Variants in USP5 observed in about 807,000 individuals in gnomAD.
The protein encoded by USP5 is ubiquitin carboxyl-terminal hydrolase 5.
A neutral mutation model predicts 102.5 loss-of-function variants in USP5; 24 were observed. The ratio of observed to expected loss-of-function variants is 0.23; its 90% CI spans 0.17 to 0.33. The LOEUF (loss-of-function observed/expected upper bound fraction) is 0.33, where lower values mean the gene tolerates loss of function less well. Among genes scored for constraint, USP5 ranks in the 10% least tolerant of loss-of-function variants. USP5 has a pLI of 1.00. For synonymous variants in USP5, 460 were observed against 434.8 expected (o/e 1.06, Z -0.72); for missense variants, 753 against 1,122.1 (o/e 0.67, Z 4.70).
In USP5 at chr12:6,855,102, G is replaced by A. The variant is rs1944067808; in HGVS notation, c.112-299G>A. Among the ~76,000 whole-genome samples, 1 of 152,170 alleles carries A rather than the reference G, an allele frequency of 6.6e-6. No homozygotes were observed. The highest frequency in any genetic ancestry group is 1.5e-5 in the Non-Finnish European group (1 of 68,038). On this transcript the variant is annotated intron_variant, in intron 1 of 19. Transcript: ENST00000229268. The surrounding 1 kb of genome is among the most constrained non-coding windows in gnomAD (Gnocchi z 4.6). Reference sequence around the variant, plus strand: ...ATTAAAGAGCTCCAAAGCCCAAGAAGGAGCAGGTGGAAAGATAAATGGTGA... The same window carrying A: ...ATTAAAGAGCTCCAAAGCCCAAGAAAGAGCAGGTGGAAAGATAAATGGTGA...
At chr12:6,853,525 C>T (rs1045643971) in intron 1 of USP5, among the ~76,000 whole-genome samples, 1 of 152,358 alleles carries the variant, frequency 6.6e-6, no homozygotes, top group South Asian at 2.1e-4. Context: ...GGAGTTTAAT[C>T]ACTTCAGAGC....
chr12:6,863,942 G>A lies in USP5; in HGVS notation c.2067G>A (p.Met689Ile), dbSNP rs782437368. The stretch of plus-strand genomic sequence containing the variant: ...GCAACAGCGGGGCTGAGGCCGCCAT[G>A]AACTGGGTCATGTCACACATGGATG... ...YTGNSGAEAA[M>I]NWVMSHMDDP... Residue 689 changes from methionine to isoleucine, a missense_variant, in exon 16 of 20, where the codon ATG (methionine) becomes ATA (isoleucine). Physicochemically the swap from Met to Ile is conservative, Grantham distance 10. Coordinates refer to ENST00000229268, the MANE Select transcript of USP5 (RefSeq NM_001098536.2). The surrounding 1 kb of genome is among the most constrained non-coding windows in gnomAD (Gnocchi z 4.7). The A allele has an allele frequency of 1.2e-6, 2 of 1,605,090 alleles. No individual in the cohort carries two copies. The highest frequency in any genetic ancestry group is 1.7e-6 in the Non-Finnish European group (2 of 1,174,080).
intron 9 of USP5, among the ~76,000 whole-genome samples, chr12:6,859,786 A>G (rs139353870): frequency 0.01 from 1,554 of 152,158 alleles, 37 homozygotes; most frequent in African/African-American, 0.036. Flanking sequence ...CTGAGTAGCT[A>G]GGACTACAGG....
chr12:6,857,399 C>T, intron 6 of USP5: 1 of 508,872 alleles, frequency 2.0e-6, no homozygotes, highest in Non-Finnish European at 3.5e-6. Flanking sequence ...CAGGTAGAAT[C>T]AGAATCACAA....
Position 6,856,120 on chromosome 12 carries a change from G to C in USP5, c.408G>C (p.Leu136=). The part of the protein sequence containing the change: ...PDYLEIARDG[L]GGLPDIVRDR... ...ACCTGGAGATTGCCCGGGATGGACT[G>C]GGGGGACTGCCTGACATTGTCAGAG... Residue 136 remains leucine, a synonymous_variant, in exon 4 of 20, where the codon CTG becomes CTC. Transcript: ENST00000229268. The surrounding 1 kb of genome is among the most constrained non-coding windows in gnomAD (Gnocchi z 5.6). The C allele has an allele frequency of 6.2e-7, 1 of 1,614,156 alleles. No homozygotes were observed. Among genetic ancestry groups the C allele is most frequent in the Non-Finnish European group, 8.5e-7 (1 of 1,180,010 alleles).
At position 6,858,477 on chromosome 12, in the gene USP5, A is replaced by G; in HGVS notation, c.918A>G (p.Glu306=). ...TAGACATGAACCAGCGGATTGGTGA[A>G]TGGGAGCTGATCCAGGAGTCAGGTG... ...LEIDMNQRIG[E]WELIQESGVP... The change falls in exon 8 of 20, where the codon GAA becomes GAG. Residue 306 remains glutamate (E), a synonymous_variant. Coordinates refer to ENST00000229268, the MANE Select transcript of USP5 (RefSeq NM_001098536.2). This position sits in a 1 kb window ranked among gnomAD's most constrained non-coding sequence, Gnocchi z 4.2. The G allele has an allele frequency of 6.2e-7, 1 of 1,613,034 alleles. No homozygotes were observed.
At position 6,857,671 on chromosome 12, in the gene USP5, G is replaced by A. The variant is rs1591606543; in HGVS notation, c.812G>A (p.Ser271Asn). The A allele has an allele frequency of 1.2e-6, 2 of 1,614,074 alleles. No individual in the cohort carries two copies. The highest frequency in any genetic ancestry group is 4.5e-5 in the East Asian group (2 of 44,880). The stretch of plus-strand genomic sequence containing the variant: ...GAGGATGACATGGTCCTGGACCCCA[G>A]CCTGGCTGAGCACCTGTCCCACTTC... ...YDEDDMVLDPSLAEHLSHFGI... is the reference protein window; with the variant it reads ...YDEDDMVLDPNLAEHLSHFGI... Residue 271 changes from serine (S) to asparagine (N), a missense_variant, in exon 7 of 20, where the codon AGC becomes AAC. Physicochemically the swap from Ser to Asn is conservative, Grantham distance 46 (BLOSUM62 1). This residue lies in a region of USP5 where 527 missense variants were observed against 816.5 expected (regional missense o/e 0.65). Transcript: ENST00000229268.
intron 13 of USP5, among the ~76,000 whole-genome samples, chr12:6,862,082 G>GTT (rs200867324): frequency 9.8e-5 from 14 of 142,890 alleles, no homozygotes; most frequent in Admixed American, 2.1e-4. Context: ...CTCTGTGTGG[G>GTT]TTTTTTTTTT....
Position 6,856,803 on chromosome 12 carries a change from T to C in USP5, c.681T>C (p.Ser227=). 2 of 1,614,014 alleles carry C rather than the reference T, an allele frequency of 1.2e-6. No individual in the cohort carries two copies. Among genetic ancestry groups the C allele is most frequent in the Non-Finnish European group, 1.7e-6 (2 of 1,179,992 alleles). ...ILCGRRYFDG[S]GGNNHAVEHY... is the part of the protein sequence containing the mutation. ...GTGGGCGACGCTACTTCGATGGCAG[T>C]GGGGGCAACAACCACGCTGTGGAGC... Residue 227 remains serine (S), a synonymous_variant, in exon 6 of 20, where the codon AGT becomes AGC. Transcript: ENST00000229268. This position sits in a 1 kb window ranked among gnomAD's most constrained non-coding sequence, Gnocchi z 5.6.
Position 6,855,467 on chromosome 12 carries a change from A to C in USP5, c.178A>C (p.Arg60=). 1 of 1,614,176 alleles carries C rather than the reference A, an allele frequency of 6.2e-7. No individual in the cohort carries two copies. Among genetic ancestry groups the C allele is most frequent in the South Asian group, 1.1e-5 (1 of 91,082 alleles). ...FLGFGKQYVE[R]HFNKTGQRVY... ...GGGCTTTGGGAAACAGTATGTGGAG[A>C]GACATTTCAATAAGACCGGCCAGCG... Residue 60 remains arginine, a synonymous_variant, in exon 2 of 20, where the codon AGA becomes CGA. Transcript: ENST00000229268. This position sits in a 1 kb window ranked among gnomAD's most constrained non-coding sequence, Gnocchi z 4.6.
Position 6,863,363 on chromosome 12 carries a change from T to G in USP5, c.1940T>G (p.Phe647Cys). 1 of 1,613,710 alleles carries G rather than the reference T, an allele frequency of 6.2e-7. No individual in the cohort carries two copies. The highest frequency in any genetic ancestry group is 8.5e-7 in the Non-Finnish European group (1 of 1,179,816). ...EDEDSFCSPH[F>C]SSPTSPMLDE... ...GAAGACTCCTTCTGCTCCCCTCACT[T>G]CTCCTCTCCGACATGTTAGTGACTC... The change falls in exon 15 of 20, where the codon TTC (phenylalanine) becomes TGC (cysteine). Residue 647 changes from phenylalanine (F) to cysteine (C), a missense_variant. This residue lies in a region of USP5 where 193 missense variants were observed against 230.2 expected (regional missense o/e 0.84). Coordinates refer to ENST00000229268, the MANE Select transcript of USP5 (RefSeq NM_001098536.2). This position sits in a 1 kb window ranked among gnomAD's most constrained non-coding sequence, Gnocchi z 4.7.
At position 6,866,420 on chromosome 12, in the gene USP5, G is replaced by C. The variant is rs138130918; in HGVS notation, c.*343G>C. 2.2e-3 allele frequency: 602 copies of C among 268,612 alleles called. 5 individuals are homozygous for C. Among genetic ancestry groups the C allele is most frequent in the African/African-American group, 0.012 (578 of 46,520 alleles). The allele number at this position is 268,612 out of a possible 1,614,324, so 16.6% of individuals were successfully genotyped here. ...AGGGGTCTCGTTTGTGCGCGTGGGT[G>C]TAGCTTTGTGCATCCTCTCCCAGTG... is the stretch of plus-strand genomic sequence containing the variant. On this transcript the variant is annotated 3_prime_UTR_variant, in exon 20 of 20. Coordinates refer to ENST00000229268, the MANE Select transcript of USP5 (RefSeq NM_001098536.2). The surrounding 1 kb of genome is among the most constrained non-coding windows in gnomAD (Gnocchi z 4.7).
chr12:6,861,766 C>A lies in USP5; in HGVS notation c.1673+149C>A. 1 of 887,914 alleles carries A rather than the reference C, an allele frequency of 1.1e-6. No individual in the cohort carries two copies. The highest frequency in any genetic ancestry group is 1.6e-6 in the Non-Finnish European group (1 of 644,912). 55.0% of individuals were successfully genotyped at this position (887,914 alleles called of 1,614,324 possible). A position where few individuals can be genotyped will look rare whatever the true frequency, so the allele number is the denominator to read the frequency against. The stretch of plus-strand genomic sequence containing the variant: ...GCTGGTAATCTGGCCCTGATGGAAC[C>A]AAGGGGCCCTGGTAGGGGGGACACG... On this transcript the variant is annotated intron_variant, in intron 13 of 19. Coordinates refer to ENST00000229268, the MANE Select transcript of USP5 (RefSeq NM_001098536.2). The surrounding 1 kb of genome is among the most constrained non-coding windows in gnomAD (Gnocchi z 4.9).
chr12:6,854,267 C>T (rs1032553380), intron 1 of USP5, among the ~76,000 whole-genome samples: 1 of 152,022 alleles, frequency 6.6e-6, no homozygotes, highest in African/African-American at 2.4e-5. Flanking sequence ...TCTTATTGGT[C>T]GGAGGGGAGG....
chr12:6,863,112 G>A lies in USP5; in HGVS notation c.1763-74G>A, dbSNP rs192970712. ...TTACAGAGCAGTTCTGACATAGGGG[G>A]CAGGGGATTGAGGTTCCCGAATCAC... On this transcript the variant is annotated intron_variant, in intron 14 of 19. Coordinates refer to ENST00000229268, the MANE Select transcript of USP5 (RefSeq NM_001098536.2). The surrounding 1 kb of genome is among the most constrained non-coding windows in gnomAD (Gnocchi z 4.7). 3 of 1,454,302 alleles carry A rather than the reference G, an allele frequency of 2.1e-6. No individual in the cohort carries two copies. The highest frequency in any genetic ancestry group is 2.1e-5 in the Admixed American group (1 of 47,176). 90.1% of individuals were successfully genotyped at this position (1,454,302 alleles called of 1,614,324 possible). A position where few individuals can be genotyped will look rare whatever the true frequency, so the allele number is the denominator to read the frequency against.
Position 6,855,662 on chromosome 12 carries a change from C to CTGAGATGAAGCA in USP5, c.238-92_238-81dup. The CTGAGATGAAGCA allele has an allele frequency of 6.3e-7, 1 of 1,595,170 alleles. No individual in the cohort carries two copies. The highest frequency in any genetic ancestry group is 1.1e-5 in the South Asian group (1 of 89,394). ...AGATGTTTTTTAGCTTTATTCCGTTCTGAGATGAAGCACTACCTCCTTCCG... is the reference window on the plus strand; with the variant it reads ...AGATGTTTTTTAGCTTTATTCCGTTCTGAGATGAAGCATGAGATGAAGCACTACCTCCTTCCG... On this transcript the variant is annotated intron_variant, in intron 2 of 19. Transcript: ENST00000229268. This position sits in a 1 kb window ranked among gnomAD's most constrained non-coding sequence, Gnocchi z 4.6.
rs1944233449 is a variant in USP5, at chr12:6,860,073, A to G, written c.1131-78A>G. 6.6e-7 allele frequency: 1 copy of G among 1,520,242 alleles called. No individual in the cohort carries two copies. The highest frequency in any genetic ancestry group is 1.4e-5 in the African/African-American group (1 of 71,054). The allele number at this position is 1,520,242 out of a possible 1,614,324, so 94.2% of individuals were successfully genotyped here. A position where few individuals can be genotyped will look rare whatever the true frequency, so the allele number is the denominator to read the frequency against. On this transcript the variant is annotated intron_variant, in intron 9 of 19. Coordinates refer to ENST00000229268, the MANE Select transcript of USP5 (RefSeq NM_001098536.2). This position sits in a 1 kb window ranked among gnomAD's most constrained non-coding sequence, Gnocchi z 5.5. ...TGTTGAGAGTTAGCTAGGGAGAGCC[A>G]CGAGCAGGGGGTTGAGCTGGGGACA... is the stretch of plus-strand genomic sequence containing the variant.
intron 18 of USP5, 95 bp from the exon 19 acceptor site, chr12:6,865,069 C>T (rs1565534686): frequency 1.6e-5 from 21 of 1,340,000 alleles, no homozygotes; most frequent in Non-Finnish European, 2.2e-5. Context: ...CCCTGAAACT[C>T]CTGTCCTGAG....
At position 6,861,669 on chromosome 12, in the gene USP5, C is replaced by T; in HGVS notation, c.1673+52C>T. 1 of 1,438,346 alleles carries T rather than the reference C, an allele frequency of 7.0e-7. No individual in the cohort carries two copies. The highest frequency in any genetic ancestry group is 9.2e-7 in the Non-Finnish European group (1 of 1,091,094). The allele number at this position is 1,438,346 out of a possible 1,614,324, so 89.1% of individuals were successfully genotyped here. On this transcript the variant is annotated intron_variant, in intron 13 of 19. Coordinates refer to ENST00000229268, the MANE Select transcript of USP5 (RefSeq NM_001098536.2). This position sits in a 1 kb window ranked among gnomAD's most constrained non-coding sequence, Gnocchi z 4.9. ...CTGTGGGTCTATGGCAGAGCTATCC[C>T]AGAGGATACTTCTGTCTCTTCCCTG...
Sources: gnomAD v4.1 joint callset for allele counts (sites outside exome capture counted in the v4.1 genomes callset) on GRCh38, gnomAD v4.1.1 for gene constraint, gnomAD v4.1.1 regional missense constraint, Gnocchi (gnomAD v3.1) non-coding constraint, MANE v1.5 for transcripts, NCBI Gene and HGNC (gene_info 2026-07-23, HGNC 2026-07-21) for gene names.